The following ITGAM variants were observed in gnomAD, a reference collection of about 807,000 sequenced individuals.
ITGAM encodes integrin subunit alpha M, also known as integrin alpha-M.
ITGAM carries 79 observed loss-of-function variants against 137.5 expected under a neutral mutation model. That is an observed-to-expected ratio of 0.57 (90% CI 0.48 to 0.69). The LOEUF (loss-of-function observed/expected upper bound fraction) is 0.69, where lower values mean the gene tolerates loss of function less well. Ranked by LOEUF, ITGAM falls within the 30% of genes least tolerant of loss-of-function variation. The pLI is 0.00. For synonymous variants in ITGAM, 583 were observed against 592.3 expected (o/e 0.98, Z 0.23); for missense variants, 1,343 against 1,483.5 (o/e 0.91, Z 1.56).
chr16:31,270,312 G>C (rs1241349412), intron 5 of ITGAM, among the ~76,000 whole-genome samples: 5 of 151,544 alleles, frequency 3.3e-5, no homozygotes, highest in Non-Finnish European at 5.9e-5. Context: ...ATGTCAGCCA[G>C]GCTGGTCTCA....
chr16:31,277,063 G>T lies in ITGAM; in HGVS notation c.1213+14G>T. On this transcript the variant is annotated intron_variant, in intron 11 of 29. Coordinates refer to ENST00000544665, the MANE Select transcript of ITGAM (RefSeq NM_000632.4). Reference sequence around the variant, plus strand: ...ATGCTTACTTGGGTAAGTGGGGAGGGCAAGGGTTACTCTAAGAAGGGGTGA... The same window carrying T: ...ATGCTTACTTGGGTAAGTGGGGAGGTCAAGGGTTACTCTAAGAAGGGGTGA... 6.2e-7 allele frequency: 1 copy of T among 1,602,912 alleles called. No individual in the cohort carries two copies. Among genetic ancestry groups the T allele is most frequent in the Non-Finnish European group, 8.5e-7 (1 of 1,173,998 alleles).
rs747862561 is a variant in ITGAM, at chr16:31,277,990, C to T, written c.1237C>T (p.Arg413Trp). Residue 413 changes from arginine (R) to tryptophan (W), a missense_variant, in exon 12 of 30, where the codon CGG becomes TGG. Arg to Trp is a moderately radical substitution (Grantham distance 101). Transcript: ENST00000544665. ...YLGYAAAIIL[R>W]NRVQSLVLGA... Reference sequence around the variant, plus strand: ...AGGTTATGCTGCCGCCATCATCTTACGGAACCGGGTGCAAAGCCTGGTTCT... The same window carrying T: ...AGGTTATGCTGCCGCCATCATCTTATGGAACCGGGTGCAAAGCCTGGTTCT... 4.0e-5 allele frequency: 64 copies of T among 1,601,130 alleles called. No individual in the cohort carries two copies. The highest frequency in any genetic ancestry group is 5.2e-5 in the Non-Finnish European group (61 of 1,173,948).
At position 31,323,244 on chromosome 16, in the gene ITGAM, C is replaced by A. The variant is rs140336517; in HGVS notation, c.2003-1155C>A. Among the ~76,000 whole-genome samples the A allele has an allele frequency of 6.5e-3, 985 of 151,700 alleles. 6 individuals are homozygous for A. The highest frequency in any genetic ancestry group is 9.8e-3 in the Non-Finnish European group (667 of 67,862). ...GTCAGGAGTTTGAGACCAGCCTGGC[C>A]AACATGGTGAAACCCCATCTCTACT... On this transcript the variant is annotated intron_variant, in intron 16 of 29. Coordinates refer to ENST00000544665, the MANE Select transcript of ITGAM (RefSeq NM_000632.4).
In ITGAM at chr16:31,271,959, G is replaced by C. The variant is rs766435644; in HGVS notation, c.671G>C (p.Arg224Pro). 6.2e-7 allele frequency: 1 copy of C among 1,613,966 alleles called. No individual in the cohort carries two copies. The highest frequency in any genetic ancestry group is 2.2e-5 in the East Asian group (1 of 44,866). The change falls in exon 7 of 30, where the codon CGG (arginine) becomes CCG (proline). Residue 224 changes from arginine (R) to proline (P), a missense_variant. Transcript: ENST00000544665. ...AAGCCAATAACGCAGCTGCTTGGGC[G>C]GACACACACGGCCACGGGCATCCGC... ...LVKPITQLLG[R>P]THTATGIRKV...
At chr16:31,275,750 C>T in intron 9 of ITGAM, 51 bp downstream of exon 9, 2 of 1,596,988 alleles carry the variant, frequency 1.3e-6, no homozygotes, top group South Asian at 1.1e-5. Flanking sequence ...AGCCCCCCAC[C>T]CCAGAACATA....
intron 8 of ITGAM, 58 bp downstream of exon 8, chr16:31,273,576 C>T: frequency 1.3e-6 from 2 of 1,543,570 alleles, no homozygotes; most frequent in Non-Finnish European, 8.9e-7. Flanking sequence ...GTGGATCCAT[C>T]CTCCCTTCAA....
intron 23 of ITGAM, among the ~76,000 whole-genome samples, chr16:31,328,575 G>A (rs2080535223): frequency 6.6e-6 from 1 of 150,422 alleles, no homozygotes; most frequent in African/African-American, 2.5e-5. Context: ...TTGTGCATGG[G>A]TGTGTATTTG....
At position 31,276,748 on chromosome 16, in the gene ITGAM, A is replaced by C. The variant is rs766761183; in HGVS notation, c.1083+4A>C. On this transcript the variant is annotated splice_donor_region_variant and intron_variant, in intron 10 of 29. Coordinates refer to ENST00000544665, the MANE Select transcript of ITGAM (RefSeq NM_000632.4). The stretch of plus-strand genomic sequence containing the variant: ...CTTCAGCGCTGCCATCACCTCTGTA[A>C]GTGGCCCTTCATTAAATTGCGGGGG... 6.2e-7 allele frequency: 1 copy of C among 1,607,436 alleles called. No individual in the cohort carries two copies. Among genetic ancestry groups the C allele is most frequent in the South Asian group, 1.1e-5 (1 of 90,134 alleles).
chr16:31,310,296 A>C (rs1475468785), intron 14 of ITGAM, among the ~76,000 whole-genome samples: 4 of 152,128 alleles, frequency 2.6e-5, no homozygotes, highest in African/African-American at 9.6e-5. Flanking sequence ...GTGTTTTCCA[A>C]CTTGATTCCA....
chr16:31,296,742 G>C (rs1279878855), intron 12 of ITGAM, among the ~76,000 whole-genome samples: 1 of 152,154 alleles, frequency 6.6e-6, no homozygotes, highest in Non-Finnish European at 1.5e-5. Flanking sequence ...GGAAGGCACT[G>C]TATCTCTATT....
At chr16:31,320,635 T>C (rs1360203672) in intron 14 of ITGAM, among the ~76,000 whole-genome samples, 10 of 152,214 alleles carry the variant, frequency 6.6e-5, no homozygotes, top group Admixed American at 1.3e-4. Context: ...ATAATTTTGC[T>C]ACTTTTTGAT....
chr16:31,306,325 A>T (rs994925295), intron 14 of ITGAM, among the ~76,000 whole-genome samples: 8 of 152,122 alleles, frequency 5.3e-5, no homozygotes, highest in African/African-American at 1.9e-4. Context: ...ATAATTTAAA[A>T]CTTCCATCAA....
At position 31,330,091 on chromosome 16, in the gene ITGAM, G is replaced by A. The variant is rs1000665783; in HGVS notation, c.2987G>A (p.Ser996Asn). ...PQVTFSENLS[S>N]TCHTKERLPS... ...CGTCTCTTTCCTCAGAACCTCTCGAGTACGTGCCACACCAAGGAGCGCTTG... is the reference window on the plus strand; with the variant it reads ...CGTCTCTTTCCTCAGAACCTCTCGAATACGTGCCACACCAAGGAGCGCTTG... The change falls in exon 26 of 30, where the codon AGT becomes AAT. Residue 996 changes from serine to asparagine, a missense_variant. Physicochemically the swap from Ser to Asn is conservative, Grantham distance 46. Coordinates refer to ENST00000544665, the MANE Select transcript of ITGAM (RefSeq NM_000632.4). 6.2e-6 allele frequency: 10 copies of A among 1,613,554 alleles called. No homozygotes were observed. The African/African-American group carries it at 8.0e-5, about 13-fold the overall frequency.
At chr16:31,261,094 C>T (rs951286990) in intron 1 of ITGAM, among the ~76,000 whole-genome samples, 1 of 152,114 alleles carries the variant, frequency 6.6e-6, no homozygotes, top group African/African-American at 2.4e-5. Context: ...ATCCCCGCCC[C>T]AGGCTAACAG....
intron 5 of ITGAM, among the ~76,000 whole-genome samples, chr16:31,266,558 CAA>C (rs1298506998): frequency 6.2e-5 from 7 of 113,692 alleles, no homozygotes; most frequent in Non-Finnish European, 3.9e-5. Context: ...CCCGTCTCTA[CAA>C]AAAAAAAAAA....
Position 31,321,549 on chromosome 16 carries a change from G to A in ITGAM, c.1924G>A (p.Val642Met), listed in dbSNP as rs1323490569. The change falls in exon 16 of 30, where the codon GTG (valine) becomes ATG (methionine). Residue 642 changes from valine (V) to methionine (M), a missense_variant. Physicochemically the swap from Val to Met is conservative, Grantham distance 21 (BLOSUM62 1). Coordinates refer to ENST00000544665, the MANE Select transcript of ITGAM (RefSeq NM_000632.4). ...GAATGTATTTGAGTGTAATGATCAG[G>A]TGGTGAAAGGCAAGGAAGCCGGAGA... The part of the protein sequence containing the change: ...ARNVFECNDQ[V>M]VKGKEAGEVR... 9.3e-6 allele frequency: 15 copies of A among 1,614,018 alleles called. No individual in the cohort carries two copies. The highest frequency in any genetic ancestry group is 1.7e-5 in the Admixed American group (1 of 60,034).
Position 31,260,097 on chromosome 16 carries a change from ATGGGGGTGGGG to A in ITGAM, c.28+12_28+22del. 1.9e-6 allele frequency: 1 copy of A among 521,874 alleles called. No homozygotes were observed. The highest frequency in any genetic ancestry group is 3.4e-6 in the Non-Finnish European group (1 of 292,816). 32.3% of individuals were successfully genotyped at this position (521,874 alleles called of 1,614,324 possible). On this transcript the variant is annotated splice_donor_region_variant and intron_variant, in intron 1 of 29. Coordinates refer to ENST00000544665, the MANE Select transcript of ITGAM (RefSeq NM_000632.4). ...TCAGAGTCCTTCTGTTAACAGGTGC[ATGGGGGTGGGG>A]TGGGGGACTCTGGGTGGGGAGGAGG...
Position 31,331,182 on chromosome 16 carries a change from G to GA in ITGAM, c.3294_3295insA (p.Pro1099ThrfsTer45). 1.2e-6 allele frequency: 2 copies of GA among 1,610,888 alleles called. No homozygotes were observed. The highest frequency in any genetic ancestry group is 1.7e-6 in the Non-Finnish European group (2 of 1,177,532). On this transcript the variant is annotated frameshift_variant, in exon 29 of 30. Transcript: ENST00000544665. LOFTEE classifies it high-confidence loss of function. Reference sequence around the variant, plus strand: ...TCCCCCAGACGGAGACCAAAGTGGAGCCGTTCGAGGTCCCCAACCCCCTGC... The same window carrying GA: ...TCCCCCAGACGGAGACCAAAGTGGAGACCGTTCGAGGTCCCCAACCCCCTGC...
chr16:31,310,835 T>G (rs1281546362), intron 14 of ITGAM, among the ~76,000 whole-genome samples: 1 of 152,204 alleles, frequency 6.6e-6, no homozygotes, highest in South Asian at 2.1e-4. Context: ...TTTATCTACC[T>G]TTGGTCTTTG....
Sources: allele counts gnomAD v4.1 joint callset (sites outside exome capture counted in the v4.1 genomes callset), GRCh38; gene constraint gnomAD v4.1.1; transcripts MANE v1.5; gene names NCBI Gene and HGNC (gene_info 2026-07-23, HGNC 2026-07-21).